Variants in TENM2 observed in about 807,000 individuals in gnomAD.
TENM2 encodes the protein teneurin transmembrane protein 2.
In TENM2, 52 loss-of-function variants were observed where a neutral mutation model predicts 245.2. That is an observed-to-expected ratio of 0.21 (90% CI 0.17 to 0.27). The LOEUF (loss-of-function observed/expected upper bound fraction) is 0.27. Among genes scored for constraint, TENM2 ranks in the 10% least tolerant of loss-of-function variants. TENM2 has a pLI of 1.00. For synonymous variants in TENM2, 1,363 were observed against 1,438.9 expected (o/e 0.95, Z 1.19); for missense variants, 3,046 against 3,666.8 (o/e 0.83, Z 4.37).
intron 25 of TENM2, among the ~76,000 whole-genome samples, chr5:168,237,778 G>GT (rs1765638591): frequency 6.6e-6 from 1 of 151,614 alleles, no homozygotes; most frequent in Non-Finnish European, 1.5e-5. Context: ...ATAGCAAGTT[G>GT]TTTTGTCTCC....
At chr5:168,053,570 C>A (rs1789293324) in intron 6 of TENM2, among the ~76,000 whole-genome samples, 2 of 152,066 alleles carry the variant, frequency 1.3e-5, no homozygotes, top group Non-Finnish European at 1.5e-5. Context: ...TAATAATACA[C>A]AAAATGCAAA....
chr5:167,059,405 A>G, the TENM2 span, among the ~76,000 whole-genome samples: 1 of 152,174 alleles, frequency 6.6e-6, no homozygotes, highest in Non-Finnish European at 1.5e-5. Flanking sequence ...TTATGTAGCT[A>G]TTGCCAATTA....
At chr5:167,220,609 G>A in the TENM2 span, among the ~76,000 whole-genome samples, 2 of 152,114 alleles carry the variant, frequency 1.3e-5, no homozygotes, top group African/African-American at 4.8e-5. Flanking sequence ...ACGTATAGGT[G>A]CATGACTGGT....
intron 9 of TENM2, among the ~76,000 whole-genome samples, chr5:168,101,586 G>C (rs186207130): frequency 9.8e-5 from 15 of 152,288 alleles, no homozygotes; most frequent in Admixed American, 2.6e-4. Flanking sequence ...GTGTGCATTA[G>C]CCATGGTATA....
chr5:167,100,161 C>CA, the TENM2 span, among the ~76,000 whole-genome samples: 1 of 152,182 alleles, frequency 6.6e-6, no homozygotes, highest in African/African-American at 2.4e-5. Flanking sequence ...GCCAAGTTCT[C>CA]ACACTGCGTT....
At chr5:167,747,618 G>T (rs1761683106) in intron 2 of TENM2, among the ~76,000 whole-genome samples, 4 of 152,156 alleles carry the variant, frequency 2.6e-5, no homozygotes, top group Admixed American at 2.6e-4. Flanking sequence ...TGATCATGGG[G>T]ATGTGGGGAT....
chr5:167,734,703 A>T (rs922388374), intron 2 of TENM2, among the ~76,000 whole-genome samples: 3 of 152,058 alleles, frequency 2.0e-5, no homozygotes, highest in African/African-American at 7.2e-5. Context: ...TGATTAGCAT[A>T]ATCTATACTG....
intron 2 of TENM2, among the ~76,000 whole-genome samples, chr5:167,613,348 C>G (rs1390264626): frequency 6.6e-6 from 1 of 152,168 alleles, no homozygotes; most frequent in South Asian, 2.1e-4. Context: ...ACTAGGTGCT[C>G]TGTACATACT....
chr5:167,532,826 G>GTATATATATATATACA (rs1554170579), intron 2 of TENM2, among the ~76,000 whole-genome samples: 6 of 144,516 alleles, frequency 4.2e-5, no homozygotes, highest in Admixed American at 1.4e-4. Flanking sequence ...GTGTGTGTGT[G>GTATATATATATATACA]TATATATATA....
chr5:167,661,745 T>G (rs932756839), intron 2 of TENM2, among the ~76,000 whole-genome samples: 1 of 152,244 alleles, frequency 6.6e-6, no homozygotes, highest in Admixed American at 6.5e-5. Flanking sequence ...GCTTCAGGCT[T>G]GCCTAGAGTC....
intron 1 of TENM2, among the ~76,000 whole-genome samples, chr5:167,314,926 G>C (rs1031298398): frequency 1.3e-5 from 2 of 151,708 alleles, no homozygotes; most frequent in Admixed American, 1.3e-4. Context: ...TTACACTTCT[G>C]TCTGCTTTTT....
At chr5:168,246,462 A>G (rs1402106088) in intron 26 of TENM2, among the ~76,000 whole-genome samples, 1 of 152,172 alleles carries the variant, frequency 6.6e-6, no homozygotes, top group Non-Finnish European at 1.5e-5. Context: ...GGAGTTTGTT[A>G]CAAAATGCAG....
rs567990710 is a variant in TENM2, at chr5:167,951,889, C to T, written c.713-699C>T. Among the ~76,000 whole-genome samples, 10 of 152,176 alleles carry T rather than the reference C, an allele frequency of 6.6e-5. No homozygotes were observed. In the South Asian group the frequency reaches 1.9e-3, roughly 28 times the overall value. ...ATACGCAAATATGTGTGTATACACACATACATATATATAAATCTCATTTTG... is the reference window on the plus strand; with the variant it reads ...ATACGCAAATATGTGTGTATACACATATACATATATATAAATCTCATTTTG... On this transcript the variant is annotated intron_variant, in intron 3 of 28. Coordinates refer to ENST00000518659, the Ensembl canonical transcript of TENM2.
intron 3 of TENM2, among the ~76,000 whole-genome samples, chr5:167,888,465 C>T (rs1415210660): frequency 6.6e-6 from 1 of 151,982 alleles, no homozygotes; most frequent in African/African-American, 2.4e-5. Flanking sequence ...TTGCAATATC[C>T]AAAGAATGGT....
chr5:167,909,125 A>C (rs1034016562), intron 3 of TENM2, among the ~76,000 whole-genome samples: 3 of 149,360 alleles, frequency 2.0e-5, no homozygotes, highest in African/African-American at 7.4e-5. Context: ...CAAGGAAGAG[A>C]ATTCACTTTT....
intron 2 of TENM2, among the ~76,000 whole-genome samples, chr5:167,574,239 A>G (rs756783648): frequency 8.5e-5 from 13 of 152,218 alleles, no homozygotes; most frequent in East Asian, 1.9e-4. Context: ...TTTATACTGA[A>G]TGATTTCTCC....
At chr5:167,530,990 A>G (rs1771458195) in intron 2 of TENM2, among the ~76,000 whole-genome samples, 1 of 152,188 alleles carries the variant, frequency 6.6e-6, no homozygotes, top group South Asian at 2.1e-4. Context: ...GCAATACACA[A>G]TCCTTGACTG....
At chr5:167,492,711 A>G (rs943211570) in intron 2 of TENM2, among the ~76,000 whole-genome samples, 4 of 152,156 alleles carry the variant, frequency 2.6e-5, no homozygotes, top group African/African-American at 9.7e-5. Flanking sequence ...ACCTGGGGAC[A>G]CAACCTATAG....
At chr5:168,234,729 C>CTCTT (rs1765263611) in intron 25 of TENM2, among the ~76,000 whole-genome samples, 1 of 152,168 alleles carries the variant, frequency 6.6e-6, no homozygotes, top group African/African-American at 2.4e-5. Context: ...CAGGATGATT[C>CTCTT]TCTTTCTTTG....
Sources: allele counts gnomAD v4.1 joint callset (sites outside exome capture counted in the v4.1 genomes callset), GRCh38; gene constraint gnomAD v4.1.1; transcripts MANE v1.5; gene names NCBI Gene and HGNC (gene_info 2026-07-23, HGNC 2026-07-21).